Variants in NBDY observed in about 807,000 individuals in gnomAD.
NBDY encodes the protein negative regulator of P-body association, also known as P-body dissociating protein.
intron 2 of NBDY, among the ~76,000 whole-genome samples, chrX:56,808,939 C>T (rs1298950083): frequency 8.9e-6 from 1 of 112,720 alleles, no homozygotes; most frequent in African/African-American, 3.2e-5. Flanking sequence ...AAACGCATCC[C>T]TGAGATTCTG....
In NBDY at chrX:56,729,320, C is replaced by A. The variant is rs1021042802; in HGVS notation, c.-34C>A. On this transcript the variant is annotated 5_prime_UTR_variant, in exon 1 of 3. Coordinates refer to ENST00000374922, the MANE Select transcript of NBDY (RefSeq NM_001348129.2). ...GTCTCTTGGCTTTGCCAGGGCCCAC[C>A]GGAGAAAACTGACGACCCGTTTCTG... is the stretch of plus-strand genomic sequence containing the variant. The A allele has an allele frequency of 3.4e-6, 1 of 294,388 alleles. No homozygotes were observed. The highest frequency in any genetic ancestry group is 2.8e-5 in the African/African-American group (1 of 35,901). The allele number at this position is 294,388 out of a possible 1,213,427, so 24.3% of individuals were successfully genotyped here. A position where few individuals can be genotyped will look rare whatever the true frequency, so the allele number is the denominator to read the frequency against.
chrX:56,737,641 G>T, intron 2 of NBDY: 2 of 356,500 alleles, frequency 5.6e-6, no homozygotes, highest in Non-Finnish European at 9.8e-6. Flanking sequence ...TACACTGGCT[G>T]CTCATCCCAA....
At chrX:56,730,365 G>A (rs6611554) in intron 1 of NBDY, among the ~76,000 whole-genome samples, 1 of 106,726 alleles carries the variant, frequency 9.4e-6, no homozygotes, top group Non-Finnish European at 1.9e-5. Flanking sequence ...ACAAAAATTA[G>A]CCAGGCGTGA....
chrX:56,730,523 A>C (rs2069452660), intron 1 of NBDY, among the ~76,000 whole-genome samples: 1 of 81,887 alleles, frequency 1.2e-5, no homozygotes, highest in African/African-American at 6.1e-5. Flanking sequence ...CAAAAAAAAA[A>C]AAAAAAAAAA....
At chrX:56,814,756 G>A (rs2146745120) in intron 2 of NBDY, among the ~76,000 whole-genome samples, 1 of 110,976 alleles carries the variant, frequency 9.0e-6, no homozygotes, top group African/African-American at 3.3e-5. Flanking sequence ...GCCTCCCAAA[G>A]TGCTGGGATT....
At chrX:56,798,768 C>A (rs1433345346) in intron 2 of NBDY, among the ~76,000 whole-genome samples, 1 of 112,335 alleles carries the variant, frequency 8.9e-6, no homozygotes, top group East Asian at 2.8e-4. Flanking sequence ...GCTGCCTAAA[C>A]AGTATTCCTG....
intron 2 of NBDY, among the ~76,000 whole-genome samples, chrX:56,760,177 AC>A (rs1322590913): frequency 8.9e-6 from 1 of 112,553 alleles, no homozygotes; most frequent in Non-Finnish European, 1.9e-5. Flanking sequence ...GTGGGGGGAA[AC>A]CCTGCCTTGG....
chrX:56,748,328 CACTA>C (rs2069566529), intron 2 of NBDY, among the ~76,000 whole-genome samples: 1 of 111,053 alleles, frequency 9.0e-6, no homozygotes, highest in African/African-American at 3.3e-5. Context: ...TACATGAAAT[CACTA>C]ACTGAGTTAT....
intron 2 of NBDY, among the ~76,000 whole-genome samples, chrX:56,764,550 C>G (rs758027526): frequency 9.0e-6 from 1 of 110,502 alleles, no homozygotes; most frequent in Non-Finnish European, 1.9e-5. Context: ...ATCTCTGTTC[C>G]TGGCAGAAGG....
chrX:56,758,632 C>A (rs1222590881), intron 2 of NBDY, among the ~76,000 whole-genome samples: 1 of 111,833 alleles, frequency 8.9e-6, no homozygotes, highest in Non-Finnish European at 1.9e-5. Context: ...GTTAGTACCC[C>A]CGGCATCTTG....
chrX:56,782,270 T>C (rs113970890), intron 2 of NBDY, among the ~76,000 whole-genome samples: 1 of 111,541 alleles, frequency 9.0e-6, no homozygotes, highest in African/African-American at 3.3e-5. Context: ...CCTCTTCTCT[T>C]TTTTGTTTTC....
At chrX:56,803,036 T>C (rs756073894) in intron 2 of NBDY, among the ~76,000 whole-genome samples, 61 of 111,627 alleles carry the variant, frequency 5.5e-4, no homozygotes, top group African/African-American at 1.9e-3. Flanking sequence ...TGTAGAGCCA[T>C]AGTGCCATCG....
intron 2 of NBDY, among the ~76,000 whole-genome samples, chrX:56,753,315 AG>A (rs1421789971): frequency 8.9e-6 from 1 of 112,529 alleles, no homozygotes. Context: ...TGGAAGATAT[AG>A]GGCTTGAATT....
intron 2 of NBDY, among the ~76,000 whole-genome samples, chrX:56,795,250 A>T (rs2069786175): frequency 1.8e-5 from 2 of 111,922 alleles, no homozygotes; most frequent in Non-Finnish European, 3.8e-5. Flanking sequence ...GGTTTGATAC[A>T]GAGCTCTCTG....
At chrX:56,792,124 G>A (rs1282743018) in intron 2 of NBDY, among the ~76,000 whole-genome samples, 1 of 111,032 alleles carries the variant, frequency 9.0e-6, no homozygotes, top group East Asian at 2.8e-4. Context: ...GCAGCACTAG[G>A]CCTGGAGAAA....
At chrX:56,738,777 C>T (rs1483132451) in intron 2 of NBDY, among the ~76,000 whole-genome samples, 2 of 111,481 alleles carry the variant, frequency 1.8e-5, no homozygotes, top group African/African-American at 3.3e-5. Context: ...TTCTGAAATC[C>T]TCCACAAATT....
chrX:56,735,129 A>G (rs2069480681), intron 2 of NBDY, among the ~76,000 whole-genome samples: 2 of 112,273 alleles, frequency 1.8e-5, no homozygotes, highest in African/African-American at 6.5e-5. Flanking sequence ...TTTTGATAAT[A>G]GAAAGGCCCT....
At position 56,765,910 on chromosome X, in the gene NBDY, C is replaced by T. The variant is rs1256477941; in HGVS notation, c.*166+33711C>T. Among the ~76,000 whole-genome samples the T allele has an allele frequency of 2.7e-5, 3 of 111,061 alleles. No homozygotes were observed. The East Asian group carries it at 8.5e-4, about 31-fold the overall frequency. ...GGATCTGGGTGGGCACGTGTTCTAG[C>T]AGACTGCTTCTTCTTTTGCTCCTTG... On this transcript the variant is annotated intron_variant, in intron 2 of 2. Coordinates refer to ENST00000374922, the MANE Select transcript of NBDY (RefSeq NM_001348129.2).
chrX:56,806,880 G>A (rs2146740943), intron 2 of NBDY, among the ~76,000 whole-genome samples: 1 of 112,165 alleles, frequency 8.9e-6, no homozygotes, highest in South Asian at 3.7e-4. Context: ...TAGTCATGAA[G>A]TCTTTGCCCA....
Sources: gnomAD v4.1 joint callset for allele counts (sites outside exome capture counted in the v4.1 genomes callset) on GRCh38, gnomAD v4.1.1 for gene constraint, MANE v1.5 for transcripts, NCBI Gene and HGNC (gene_info 2026-07-23, HGNC 2026-07-21) for gene names.